Variants in HSPA12B observed in about 807,000 individuals in gnomAD.
HSPA12B encodes the protein heat shock protein family A (Hsp70) member 12B.
Under a neutral mutation model 69.3 loss-of-function variants are expected in HSPA12B, and 54 were observed. The observed-to-expected ratio is 0.78, with a 90% confidence interval of 0.63 to 0.98. HSPA12B has a LOEUF of 0.98. HSPA12B is among the 50% of genes least tolerant of loss of function. The pLI is 0.00. For missense variants in HSPA12B, 929 were observed against 999.8 expected, an observed-to-expected ratio of 0.93 and a Z score of 0.96; for synonymous variants, 441 against 436.5, an observed-to-expected ratio of 1.01 and a Z score of -0.13.
Position 3,751,621 on chromosome 20 carries a change from C to T in HSPA12B, c.1516C>T (p.Arg506Cys), listed in dbSNP as rs1245582810. Residue 506 changes from arginine (R) to cysteine (C), a missense_variant, in exon 13 of 13, where the codon CGC (arginine) becomes TGC (cysteine). Coordinates refer to ENST00000254963, the MANE Select transcript of HSPA12B (RefSeq NM_052970.5). ...QHAVQAALGA[R>C]GLRVVVPHDV... Reference sequence around the variant, plus strand: ...CGCGGTGCAGGCGGCGCTGGGCGCCCGCGGTCTGCGTGTCGTGGTCCCGCA... The same window carrying T: ...CGCGGTGCAGGCGGCGCTGGGCGCCTGCGGTCTGCGTGTCGTGGTCCCGCA... 3.9e-6 allele frequency: 6 copies of T among 1,528,378 alleles called. No individual in the cohort carries two copies. Among genetic ancestry groups the T allele is most frequent in the East Asian group, 2.5e-5 (1 of 40,298 alleles). 94.7% of individuals were successfully genotyped at this position (1,528,378 alleles called of 1,614,324 possible). A position where few individuals can be genotyped will look rare whatever the true frequency, so the allele number is the denominator to read the frequency against.
rs757775440 is a variant in HSPA12B at position 3,745,558 on chromosome 20, C to T, written c.519C>T (p.Phe173=). The T allele has an allele frequency of 6.2e-7, 1 of 1,614,164 alleles. No individual in the cohort carries two copies. The highest frequency in any genetic ancestry group is 1.3e-5 in the African/African-American group (1 of 75,066). ...NGKTMPALEV[F]AHALRFFREH... ...AGACGATGCCCGCCCTGGAGGTGTT[C>T]GCCCATGCCCTGCGCTTCTTCAGGG... Residue 173 remains phenylalanine, a synonymous_variant, in exon 6 of 13, where the codon TTC becomes TTT. Transcript: ENST00000254963. This position sits in a 1 kb window ranked among gnomAD's most constrained non-coding sequence, Gnocchi z 5.6.
Position 3,738,670 on chromosome 20 carries a change from C to G in HSPA12B, c.-5C>G, listed in dbSNP as rs201663643. 47 of 1,614,120 alleles carry G rather than the reference C, an allele frequency of 2.9e-5. No individual in the cohort carries two copies. In the African/African-American group the frequency reaches 6.1e-4, roughly 21 times the overall value. The stretch of plus-strand genomic sequence containing the variant: ...TTCCTGTTGACAGCTACAGGGCCTG[C>G]AAGGATGTTGGCTGTCCCGGAGATG... On this transcript the variant is annotated 5_prime_UTR_variant, in exon 2 of 13. Transcript: ENST00000254963.
rs1314871009 is a variant in HSPA12B, at chr20:3,739,541, G to C, written c.43+824G>C. Among the ~76,000 whole-genome samples the C allele has an allele frequency of 2.0e-5, 3 of 152,214 alleles. No individual in the cohort carries two copies. The East Asian group carries it at 5.8e-4, about 29-fold the overall frequency. On this transcript the variant is annotated intron_variant, in intron 2 of 12. Transcript: ENST00000254963. Reference sequence around the variant, plus strand: ...TTCCTGCCTCCCTTCCCAAGCTCGAGCCACAGCAACTTGGCCTCTCGGGCT... The same window carrying C: ...TTCCTGCCTCCCTTCCCAAGCTCGACCCACAGCAACTTGGCCTCTCGGGCT...
In HSPA12B at chr20:3,745,889, C is replaced by A; in HGVS notation, c.559-26C>A. On this transcript the variant is annotated intron_variant, in intron 6 of 12. Coordinates refer to ENST00000254963, the MANE Select transcript of HSPA12B (RefSeq NM_052970.5). The surrounding 1 kb of genome is among the most constrained non-coding windows in gnomAD (Gnocchi z 5.6). ...ACCACCCTCCCTCCAAGCCAGCTTT[C>A]CTCTCACTGCCCCCTCCTGTACCAG... 1 of 1,600,398 alleles carries A rather than the reference C, an allele frequency of 6.2e-7. No homozygotes were observed. Among genetic ancestry groups the A allele is most frequent in the Non-Finnish European group, 8.6e-7 (1 of 1,167,420 alleles).
At chr20:3,736,704 A>G (rs1014433495) in intron 1 of HSPA12B, among the ~76,000 whole-genome samples, 9 of 152,190 alleles carry the variant, frequency 5.9e-5, no homozygotes, top group Non-Finnish European at 1.3e-4. Context: ...TCAAACTTCA[A>G]TGTGCACCTG....
In HSPA12B at chr20:3,745,185, G is replaced by A. The variant is rs2089756883; in HGVS notation, c.453+97G>A. On this transcript the variant is annotated intron_variant, in intron 5 of 12. Coordinates refer to ENST00000254963, the MANE Select transcript of HSPA12B (RefSeq NM_052970.5). The surrounding 1 kb of genome is among the most constrained non-coding windows in gnomAD (Gnocchi z 5.6). ...GACAAAACCAAAACGTGTGAGGACC[G>A]GCCCGATGGAGTCGTGGCTGAGAGG... 1.8e-6 allele frequency: 2 copies of A among 1,135,830 alleles called. No homozygotes were observed. The highest frequency in any genetic ancestry group is 1.4e-5 in the South Asian group (1 of 69,584). The allele number at this position is 1,135,830 out of a possible 1,614,324, so 70.4% of individuals were successfully genotyped here. A position where few individuals can be genotyped will look rare whatever the true frequency, so the allele number is the denominator to read the frequency against.
At position 3,751,966 on chromosome 20, in the gene HSPA12B, G is replaced by C; in HGVS notation, c.1861G>C (p.Asp621His). 6.3e-7 allele frequency: 1 copy of C among 1,579,356 alleles called. No homozygotes were observed. Among genetic ancestry groups the C allele is most frequent in the Non-Finnish European group, 8.6e-7 (1 of 1,168,026 alleles). Residue 621 changes from aspartate (D) to histidine (H), a missense_variant, in exon 13 of 13, where the codon GAC becomes CAC. By Grantham distance (81) the Asp-to-His change is moderately conservative (BLOSUM62 -1). Around this residue, in one of 3 missense-constraint regions of HSPA12B, gnomAD observed 448 missense variants for 448.1 expected, o/e 1.00. Transcript: ENST00000254963. ...CAAEDARFIT[D>H]PGVRKCGALS... Reference sequence around the variant, plus strand: ...GGCAGAGGATGCGCGCTTCATCACCGACCCCGGCGTGCGCAAATGCGGCGC... The same window carrying C: ...GGCAGAGGATGCGCGCTTCATCACCCACCCCGGCGTGCGCAAATGCGGCGC...
At chr20:3,741,146 C>A (rs995426648) in intron 3 of HSPA12B, among the ~76,000 whole-genome samples, 2 of 152,064 alleles carry the variant, frequency 1.3e-5, no homozygotes, top group African/African-American at 2.4e-5. Context: ...GTAACTAACT[C>A]CCAACCCCCC....
chr20:3,738,936 TGTGA>T (rs1162007985), intron 2 of HSPA12B, among the ~76,000 whole-genome samples: 7 of 151,798 alleles, frequency 4.6e-5, no homozygotes, highest in African/African-American at 9.7e-5. Context: ...GGTCTGTGTA[TGTGA>T]GTATGTGTGC....
intron 7 of HSPA12B, 108 bp downstream of exon 7, chr20:3,746,139 G>T: frequency 1.3e-6 from 1 of 775,944 alleles, no homozygotes; most frequent in Non-Finnish European, 2.1e-6. Context: ...ATTGTGGAAA[G>T]AACTTCAGCC....
At position 3,749,412 on chromosome 20, in the gene HSPA12B, C is replaced by T. The variant is rs780905524; in HGVS notation, c.937+94C>T. 1.7e-6 allele frequency: 2 copies of T among 1,170,872 alleles called. No homozygotes were observed. Among genetic ancestry groups the T allele is most frequent in the Non-Finnish European group, 2.5e-6 (2 of 810,038 alleles). 72.5% of individuals were successfully genotyped at this position (1,170,872 alleles called of 1,614,324 possible). ...GGCATGTTTGCAAAGCCCGTCTCTT[C>T]CTCCTCCATTCGCTGTACCCAACCT... On this transcript the variant is annotated intron_variant, in intron 9 of 12. Transcript: ENST00000254963. This position sits in a 1 kb window ranked among gnomAD's most constrained non-coding sequence, Gnocchi z 5.5.
rs1170276749 is a variant in HSPA12B, at chr20:3,745,792, G to A, written c.559-123G>A. On this transcript the variant is annotated intron_variant, in intron 6 of 12. Coordinates refer to ENST00000254963, the MANE Select transcript of HSPA12B (RefSeq NM_052970.5). This position sits in a 1 kb window ranked among gnomAD's most constrained non-coding sequence, Gnocchi z 5.6. ...AAGCCATACTGATGGGAGGGGGGCCGATTCTTCCAGCTCTGCTGGGAAGTC... is the reference window on the plus strand; with the variant it reads ...AAGCCATACTGATGGGAGGGGGGCCAATTCTTCCAGCTCTGCTGGGAAGTC... The A allele has an allele frequency of 9.8e-6, 10 of 1,023,318 alleles. No individual in the cohort carries two copies. The highest frequency in any genetic ancestry group is 1.5e-5 in the Non-Finnish European group (10 of 650,552). The allele number at this position is 1,023,318 out of a possible 1,614,324, so 63.4% of individuals were successfully genotyped here.
intron 1 of HSPA12B, among the ~76,000 whole-genome samples, chr20:3,735,334 C>G (rs2088092084): frequency 6.6e-6 from 1 of 152,186 alleles, no homozygotes; most frequent in Non-Finnish European, 1.5e-5. Flanking sequence ...ATCCCTGAAA[C>G]CCCAGCATAG....
rs2088372627 is a variant in HSPA12B at position 3,749,659 on chromosome 20, G to C, written c.938-91G>C. Reference sequence around the variant, plus strand: ...CCTGCAGACAGGCCTTGGGACCCGGGGCAGGGCTGGAGGCTGGGCGAGGCT... The same window carrying C: ...CCTGCAGACAGGCCTTGGGACCCGGCGCAGGGCTGGAGGCTGGGCGAGGCT... On this transcript the variant is annotated intron_variant, in intron 9 of 12. Transcript: ENST00000254963. The surrounding 1 kb of genome is among the most constrained non-coding windows in gnomAD (Gnocchi z 5.5). The C allele has an allele frequency of 2.1e-6, 2 of 966,632 alleles. No individual in the cohort carries two copies. Among genetic ancestry groups the C allele is most frequent in the South Asian group, 3.1e-5 (2 of 63,976 alleles). The allele number at this position is 966,632 out of a possible 1,614,324, so 59.9% of individuals were successfully genotyped here.
chr20:3,745,473 C>T lies in HSPA12B; in HGVS notation c.454-20C>T. 1 of 1,580,300 alleles carries T rather than the reference C, an allele frequency of 6.3e-7. No homozygotes were observed. The highest frequency in any genetic ancestry group is 8.7e-7 in the Non-Finnish European group (1 of 1,149,266). Reference sequence around the variant, plus strand: ...TGCCAAGCTGAGGCCTCCTGCAGAGCCGCCCTGTGTCCCTGCCAGGATCTC... The same window carrying T: ...TGCCAAGCTGAGGCCTCCTGCAGAGTCGCCCTGTGTCCCTGCCAGGATCTC... On this transcript the variant is annotated intron_variant, in intron 5 of 12. Transcript: ENST00000254963. This position sits in a 1 kb window ranked among gnomAD's most constrained non-coding sequence, Gnocchi z 5.6.
Position 3,750,219 on chromosome 20 carries a change from C to G in HSPA12B, c.1293C>G (p.Arg431=). 1 of 1,598,316 alleles carries G rather than the reference C, an allele frequency of 6.3e-7. No homozygotes were observed. Among genetic ancestry groups the G allele is most frequent in the Admixed American group, 1.7e-5 (1 of 59,442 alleles). Residue 431 remains arginine (R), a synonymous_variant, in exon 11 of 13, where the codon CGC becomes CGG. Transcript: ENST00000254963. The part of the protein sequence containing the change: ...QRGHNVETAL[R]RSSVNFVKWS... ...GCCACAACGTGGAGACCGCTCTGCG[C>G]AGGAGCAGGTGGGTCCTGAGCCCGC... is the stretch of plus-strand genomic sequence containing the variant.
chr20:3,739,366 G>T (rs1319424896), intron 2 of HSPA12B, among the ~76,000 whole-genome samples: 1 of 152,244 alleles, frequency 6.6e-6, no homozygotes, highest in Admixed American at 6.5e-5. Flanking sequence ...AGGTGGGCAC[G>T]CATGCAGAGA....
intron 2 of HSPA12B, among the ~76,000 whole-genome samples, chr20:3,739,310 G>A (rs1003908978): frequency 6.6e-6 from 1 of 151,986 alleles, no homozygotes; most frequent in African/African-American, 2.4e-5. Flanking sequence ...GTGTCTCTGC[G>A]GGCAGGTCTC....
rs934819439 is a variant in HSPA12B, at chr20:3,749,102, C to T, written c.851-130C>T. ...AGGATTGCCCTCTCCCAGTCAGGAGCAGGTTGGAGTTTCAGGAGCACTGGC... is the reference window on the plus strand; with the variant it reads ...AGGATTGCCCTCTCCCAGTCAGGAGTAGGTTGGAGTTTCAGGAGCACTGGC... On this transcript the variant is annotated intron_variant, in intron 8 of 12. Coordinates refer to ENST00000254963, the MANE Select transcript of HSPA12B (RefSeq NM_052970.5). The surrounding 1 kb of genome is among the most constrained non-coding windows in gnomAD (Gnocchi z 5.5). The T allele has an allele frequency of 2.8e-6, 2 of 704,238 alleles. No homozygotes were observed. Among genetic ancestry groups the T allele is most frequent in the African/African-American group, 1.8e-5 (1 of 56,742 alleles). 43.6% of individuals were successfully genotyped at this position (704,238 alleles called of 1,614,324 possible).
Sources: allele counts gnomAD v4.1 joint callset (sites outside exome capture counted in the v4.1 genomes callset), GRCh38; gene constraint gnomAD v4.1.1; regional missense constraint gnomAD v4.1.1; non-coding constraint Gnocchi (gnomAD v3.1); transcripts MANE v1.5; gene names NCBI Gene and HGNC (gene_info 2026-07-23, HGNC 2026-07-21).